PKN2: variants seen among roughly 807,000 people sequenced by gnomAD.
PKN2 encodes protein kinase N2.
In PKN2, 38 loss-of-function variants were observed where a neutral mutation model predicts 119.1. The observed-to-expected ratio is 0.32, with a 90% CI of 0.25 to 0.42. The LOEUF (loss-of-function observed/expected upper bound fraction) is 0.42. Ranked by LOEUF, PKN2 falls within the 10% of genes least tolerant of loss-of-function variation. PKN2 has a pLI of 1.00. For synonymous variants in PKN2, 390 were observed against 384.9 expected (o/e 1.01, Z -0.15); for missense variants, 850 against 1,165.1 (o/e 0.73, Z 3.94).
At chr1:88,805,845 CA>C in intron 11 of PKN2, 45 bp from the exon 12 acceptor site, 25 of 1,609,894 alleles carry the variant, frequency 1.6e-5, no homozygotes, top group Non-Finnish European at 2.0e-5. Context: ...GTTTAAAATA[CA>C]GACTTTCTAT....
At chr1:88,719,001 A>G (rs746804889) in intron 1 of PKN2, among the ~76,000 whole-genome samples, 1 of 152,162 alleles carries the variant, frequency 6.6e-6, no homozygotes, top group Non-Finnish European at 1.5e-5. Flanking sequence ...ACCCCCACCT[A>G]CTATGCTAAA....
chr1:88,810,932 C>G lies in PKN2; in HGVS notation c.2103-2625C>G, dbSNP rs552226364. ...TACTTTATGATTCTTAATGACAGTTCTCATAGTCTAAATTTTCTTTCTATA... is the reference window on the plus strand; with the variant it reads ...TACTTTATGATTCTTAATGACAGTTGTCATAGTCTAAATTTTCTTTCTATA... On this transcript the variant is annotated intron_variant, in intron 15 of 21. Coordinates refer to ENST00000370521, the MANE Select transcript of PKN2 (RefSeq NM_006256.4). Among the ~76,000 whole-genome samples the G allele has an allele frequency of 7.2e-5, 11 of 152,226 alleles. No individual in the cohort carries two copies. In the East Asian group the frequency reaches 2.1e-3, roughly 29 times the overall value.
intron 3 of PKN2, among the ~76,000 whole-genome samples, chr1:88,764,435 A>G (rs1669575607): frequency 1.3e-5 from 2 of 152,184 alleles, no homozygotes; most frequent in African/African-American, 2.4e-5. Flanking sequence ...TGATCAATTT[A>G]TCATCAGTTT....
chr1:88,812,054 A>G (rs1158988011), intron 15 of PKN2, among the ~76,000 whole-genome samples: 1 of 152,208 alleles, frequency 6.6e-6, no homozygotes, highest in African/African-American at 2.4e-5. Context: ...TAAAGTTTTA[A>G]ATAAAGTTGG....
At chr1:88,765,646 G>GA (rs1314886849) in intron 3 of PKN2, among the ~76,000 whole-genome samples, 3 of 152,174 alleles carry the variant, frequency 2.0e-5, no homozygotes, top group African/African-American at 7.2e-5. Flanking sequence ...TGTTGTAGTG[G>GA]AAGTGGTGTT....
At chr1:88,698,601 A>T (rs1666637273) in intron 1 of PKN2, among the ~76,000 whole-genome samples, 1 of 152,198 alleles carries the variant, frequency 6.6e-6, no homozygotes. Flanking sequence ...AAAATAATCC[A>T]TGTGTACATA....
At chr1:88,690,898 CTT>C (rs915043338) in intron 1 of PKN2, among the ~76,000 whole-genome samples, 1 of 152,068 alleles carries the variant, frequency 6.6e-6, no homozygotes, top group African/African-American at 2.4e-5. Context: ...GGATTTATCT[CTT>C]TTAGAAATTT....
At chr1:88,801,349 C>T (rs1330177982) in intron 8 of PKN2, among the ~76,000 whole-genome samples, 1 of 152,176 alleles carries the variant, frequency 6.6e-6, no homozygotes, top group African/African-American at 2.4e-5. Context: ...TGCACCATTG[C>T]ACTCCAGCCT....
intron 6 of PKN2, among the ~76,000 whole-genome samples, chr1:88,775,619 A>T (rs1570611795): frequency 2.0e-5 from 3 of 152,294 alleles, no homozygotes. Context: ...AATGATTATA[A>T]CTAATGTCCT....
chr1:88,786,263 T>G (rs186721868), intron 8 of PKN2, 50 bp downstream of exon 8: 1 of 949,354 alleles, frequency 1.1e-6, no homozygotes, highest in African/African-American at 1.7e-5. Context: ...TCATTTTAAA[T>G]GTGAGTTATA....
intron 1 of PKN2, among the ~76,000 whole-genome samples, chr1:88,722,794 A>T (rs1200833306): frequency 6.6e-6 from 1 of 152,060 alleles, no homozygotes; most frequent in Non-Finnish European, 1.5e-5. Flanking sequence ...AAATAAAAAA[A>T]AAAAAAAGAA....
At chr1:88,701,812 C>A (rs1241021059) in intron 1 of PKN2, among the ~76,000 whole-genome samples, 3 of 152,160 alleles carry the variant, frequency 2.0e-5, no homozygotes, top group African/African-American at 7.2e-5. Context: ...ATCAGAAGTA[C>A]TTATTTGACT....
At chr1:88,789,642 G>A (rs779495327) in intron 8 of PKN2, among the ~76,000 whole-genome samples, 2 of 148,622 alleles carry the variant, frequency 1.3e-5, no homozygotes, top group Non-Finnish European at 3.0e-5. Context: ...CAGCCTGGGC[G>A]ACAGAGCAAG....
At chr1:88,776,099 C>T (rs911768442) in intron 6 of PKN2, among the ~76,000 whole-genome samples, 38 of 146,478 alleles carry the variant, frequency 2.6e-4, no homozygotes, top group African/African-American at 9.5e-4. Context: ...CAGAGCGAGA[C>T]TCCGTCTCAA....
intron 2 of PKN2, among the ~76,000 whole-genome samples, chr1:88,751,474 G>T (rs1668995062): frequency 6.6e-6 from 1 of 151,558 alleles, no homozygotes; most frequent in Non-Finnish European, 1.5e-5. Context: ...ATGATGCTTG[G>T]CTGTATATGA....
chr1:88,753,464 A>G (rs1245341799), intron 2 of PKN2, among the ~76,000 whole-genome samples: 1 of 152,112 alleles, frequency 6.6e-6, no homozygotes, highest in Admixed American at 6.5e-5. Flanking sequence ...GATATATACA[A>G]TCTTTATTAG....
intron 18 of PKN2, among the ~76,000 whole-genome samples, chr1:88,827,645 T>A (rs1286178222): frequency 1.4e-4 from 11 of 76,162 alleles, no homozygotes; most frequent in Non-Finnish European, 2.8e-4. Context: ...TTCCCTCCCC[T>A]CTTCTCCCCT....
intron 3 of PKN2, among the ~76,000 whole-genome samples, chr1:88,763,926 G>A (rs369916777): frequency 3.3e-5 from 5 of 152,120 alleles, no homozygotes; most frequent in African/African-American, 1.2e-4. Flanking sequence ...GATTAATTCA[G>A]TTTGGCAGTA....
At chr1:88,695,546 C>T (rs561730157) in intron 1 of PKN2, among the ~76,000 whole-genome samples, 7 of 152,222 alleles carry the variant, frequency 4.6e-5, no homozygotes, top group African/African-American at 1.7e-4. Context: ...ATGTTGTTTT[C>T]TGTCATCCAA....
Sources: allele counts gnomAD v4.1 joint callset (sites outside exome capture counted in the v4.1 genomes callset), GRCh38; gene constraint gnomAD v4.1.1; transcripts MANE v1.5; gene names NCBI Gene and HGNC (gene_info 2026-07-23, HGNC 2026-07-21).